PDSS2: variants seen among roughly 807,000 people sequenced by gnomAD.
PDSS2 encodes all trans-polyprenyl-diphosphate synthase PDSS2.
In PDSS2, 31 loss-of-function variants were observed where a neutral mutation model predicts 44.5. The ratio of observed to expected loss-of-function variants is 0.70; its 90% confidence interval spans 0.52 to 0.94. PDSS2 has a LOEUF of 0.94. Ranked by LOEUF, PDSS2 falls within the 40% of genes least tolerant of loss-of-function variation. PDSS2 has a pLI of 0.00. For synonymous variants in PDSS2, 157 were observed against 180.3 expected (o/e 0.87, Z 1.03); for missense variants, 452 against 482.2 (o/e 0.94, Z 0.59).
intron 1 of PDSS2, among the ~76,000 whole-genome samples, chr6:107,439,810 G>C (rs969723259): frequency 2.6e-5 from 4 of 152,156 alleles, no homozygotes; most frequent in African/African-American, 9.7e-5. Flanking sequence ...ATATTTGGAT[G>C]ACTAGTGACA....
At chr6:107,320,934 T>C (rs1416825965) in intron 2 of PDSS2, among the ~76,000 whole-genome samples, 2 of 152,204 alleles carry the variant, frequency 1.3e-5, no homozygotes, top group Non-Finnish European at 2.9e-5. Flanking sequence ...ATGAATTCTA[T>C]GGTCAAATGG....
chr6:107,281,594 G>A (rs1020529566), intron 2 of PDSS2, among the ~76,000 whole-genome samples: 1 of 152,148 alleles, frequency 6.6e-6, no homozygotes, highest in African/African-American at 2.4e-5. Flanking sequence ...GAGGTCCACT[G>A]TATGAAAGTA....
intron 2 of PDSS2, among the ~76,000 whole-genome samples, chr6:107,322,283 G>A (rs902580113): frequency 6.6e-6 from 1 of 151,984 alleles, no homozygotes; most frequent in Non-Finnish European, 1.5e-5. Flanking sequence ...ACTTTGGGAG[G>A]CCAAGGCAGG....
chr6:107,175,056 A>G (rs1562353000), intron 7 of PDSS2, among the ~76,000 whole-genome samples: 1 of 152,078 alleles, frequency 6.6e-6, no homozygotes, highest in South Asian at 2.1e-4. Flanking sequence ...TACTAAAAAT[A>G]CAAAAATTAG....
chr6:107,270,753 T>A (rs941771091), intron 3 of PDSS2, among the ~76,000 whole-genome samples: 1 of 152,220 alleles, frequency 6.6e-6, no homozygotes, highest in African/African-American at 2.4e-5. Flanking sequence ...ACTTTTAAAC[T>A]GAATTTCCAA....
Position 107,254,620 on chromosome 6 carries a change from T to C in PDSS2, c.631-9001A>G, listed in dbSNP as rs1003777263. Reference sequence around the variant, plus strand: ...GATATACCATTCTCAGTATGTTCTTTACCTAGCGACACTGCCGCATGTTGT... The same window carrying C: ...GATATACCATTCTCAGTATGTTCTTCACCTAGCGACACTGCCGCATGTTGT... On this transcript the variant is annotated intron_variant, in intron 3 of 7. Transcript: ENST00000369037. Among the ~76,000 whole-genome samples the C allele has an allele frequency of 1.4e-4, 22 of 152,196 alleles. 1 individual carries two copies. Among genetic ancestry groups the C allele is most frequent in the Non-Finnish European group, 3.1e-4 (21 of 68,018 alleles).
At chr6:107,348,219 C>T (rs1421311152) in intron 1 of PDSS2, among the ~76,000 whole-genome samples, 1 of 152,174 alleles carries the variant, frequency 6.6e-6, no homozygotes, top group Non-Finnish European at 1.5e-5. Flanking sequence ...ATGAGCTATG[C>T]ACTTTCACAT....
chr6:107,192,913 G>A (rs73523784), intron 7 of PDSS2, among the ~76,000 whole-genome samples: 7,723 of 152,238 alleles, frequency 0.051, 599 homozygotes, highest in African/African-American at 0.17. Flanking sequence ...AGGCCCTTGA[G>A]GGTTTTGGTT....
intron 2 of PDSS2, among the ~76,000 whole-genome samples, chr6:107,300,253 C>A (rs1365179737): frequency 1.3e-5 from 2 of 152,148 alleles, no homozygotes; most frequent in Non-Finnish European, 2.9e-5. Flanking sequence ...GACCCCTGGA[C>A]CAGCCTGCTA....
intron 7 of PDSS2, among the ~76,000 whole-genome samples, chr6:107,191,713 C>G (rs951704294): frequency 5.3e-5 from 8 of 152,128 alleles, no homozygotes; most frequent in African/African-American, 9.7e-5. Context: ...CAGGCTTAAG[C>G]AATCCTCCCA....
chr6:107,428,928 C>A (rs1186831193), intron 1 of PDSS2, among the ~76,000 whole-genome samples: 1 of 152,178 alleles, frequency 6.6e-6, no homozygotes, highest in Non-Finnish European at 1.5e-5. Context: ...GAGGTCCAGG[C>A]CAGTTCATCC....
intron 3 of PDSS2, among the ~76,000 whole-genome samples, chr6:107,249,319 T>C (rs1188324628): frequency 1.3e-5 from 2 of 152,204 alleles, no homozygotes; most frequent in Non-Finnish European, 2.9e-5. Flanking sequence ...ATTATGGTAT[T>C]TTTAAAATTG....
At position 107,367,089 on chromosome 6, in the gene PDSS2, AT is replaced by A. The variant is rs141122066; in HGVS notation, c.297-32758del. Among the ~76,000 whole-genome samples the A allele has an allele frequency of 3.1e-3, 471 of 152,258 alleles. 1 individual carries two copies. Among genetic ancestry groups the A allele is most frequent in the African/African-American group, 0.011 (458 of 41,566 alleles). On this transcript the variant is annotated intron_variant, in intron 1 of 7. Coordinates refer to ENST00000369037, the MANE Select transcript of PDSS2 (RefSeq NM_020381.4). ...CAGACACAAAAGTGCTCAACAAAAT[AT>A]TGGCAAACTGAATCTAGCAATATAA...
intron 1 of PDSS2, among the ~76,000 whole-genome samples, chr6:107,350,353 C>T (rs1488706757): frequency 6.6e-6 from 1 of 152,130 alleles, no homozygotes; most frequent in African/African-American, 2.4e-5. Flanking sequence ...AATGAGTTGC[C>T]TCTCTTGATC....
intron 1 of PDSS2, among the ~76,000 whole-genome samples, chr6:107,392,739 T>C (rs1779822917): frequency 1.3e-5 from 2 of 152,160 alleles, no homozygotes; most frequent in South Asian, 4.1e-4. Flanking sequence ...GCACCCTGAA[T>C]TCCATCCTGG....
intron 6 of PDSS2, among the ~76,000 whole-genome samples, chr6:107,195,067 G>A (rs1003914889): frequency 6.6e-6 from 1 of 152,118 alleles, no homozygotes; most frequent in African/African-American, 2.4e-5. Context: ...TAGAACAAGA[G>A]TCCTCCAACT....
chr6:107,231,595 G>A (rs527306788), intron 4 of PDSS2, among the ~76,000 whole-genome samples: 1 of 152,252 alleles, frequency 6.6e-6, no homozygotes, highest in Admixed American at 6.5e-5. Flanking sequence ...TACTGTATAA[G>A]ACCCTATGGT....
At chr6:107,201,180 C>T (rs766537508) in intron 6 of PDSS2, among the ~76,000 whole-genome samples, 7 of 152,088 alleles carry the variant, frequency 4.6e-5, no homozygotes, top group Admixed American at 6.6e-5. Flanking sequence ...TTTTTGCCTC[C>T]TGTAGGTGTG....
chr6:107,457,600 T>C (rs925240051), intron 1 of PDSS2, among the ~76,000 whole-genome samples: 6 of 152,108 alleles, frequency 3.9e-5, no homozygotes, highest in African/African-American at 1.4e-4. Flanking sequence ...TCTCCATACA[T>C]GCCAAATGTC....
Sources: allele counts gnomAD v4.1 joint callset (sites outside exome capture counted in the v4.1 genomes callset), GRCh38; gene constraint gnomAD v4.1.1; transcripts MANE v1.5; gene names NCBI Gene and HGNC (gene_info 2026-07-23, HGNC 2026-07-21).